Variants in SRGAP3 observed in about 807,000 individuals in gnomAD.
The protein encoded by SRGAP3 is SLIT-ROBO Rho GTPase activating protein 3, also known as SLIT-ROBO Rho GTPase-activating protein 3.
A neutral mutation model predicts 121.1 loss-of-function variants in SRGAP3; 39 were observed. The ratio of observed to expected loss-of-function variants is 0.32; its 90% CI spans 0.25 to 0.42. SRGAP3 has a LOEUF of 0.42. Ranked by LOEUF, SRGAP3 falls within the 10% of genes least tolerant of loss-of-function variation. The pLI, the probability that SRGAP3 is intolerant of heterozygous loss-of-function variation, is 1.00. For synonymous variants in SRGAP3, 601 were observed against 570.0 expected, an observed-to-expected ratio of 1.05 and a Z score of -0.77; for missense variants, 1,213 against 1,470.6, an observed-to-expected ratio of 0.82 and a Z score of 2.86.
At chr3:9,163,822 C>G (rs1950685504) in intron 1 of SRGAP3, among the ~76,000 whole-genome samples, 1 of 152,002 alleles carries the variant, frequency 6.6e-6, no homozygotes. Context: ...AGTGGAAACC[C>G]TTGTCATTGT....
chr3:9,043,063 TCCC>T (rs1194533920), intron 10 of SRGAP3, among the ~76,000 whole-genome samples: 13 of 151,988 alleles, frequency 8.6e-5, no homozygotes, highest in Middle Eastern at 6.8e-3. Flanking sequence ...CTAAAGCAGG[TCCC>T]CCCCATCTCT....
At chr3:9,230,221 A>T (rs1268018876) in intron 1 of SRGAP3, among the ~76,000 whole-genome samples, 1 of 152,242 alleles carries the variant, frequency 6.6e-6, no homozygotes, top group Non-Finnish European at 1.5e-5. Context: ...ATTATTACAG[A>T]TGATGACAGT....
intron 3 of SRGAP3, among the ~76,000 whole-genome samples, chr3:9,302,102 G>A (rs941899077): frequency 2.0e-5 from 3 of 152,242 alleles, no homozygotes; most frequent in East Asian, 3.9e-4. Flanking sequence ...TACGTTCACC[G>A]AGTCCCCACG....
At chr3:9,345,785 C>CAAAAAAAAAAA (rs34225108) in intron 1 of SRGAP3, among the ~76,000 whole-genome samples, 10 of 65,226 alleles carry the variant, frequency 1.5e-4, no homozygotes, top group African/African-American at 3.0e-4. Context: ...GACTCCAACT[C>CAAAAAAAAAAA]AAAAAAAAAA....
At chr3:9,220,670 C>G (rs1952783768) in intron 1 of SRGAP3, among the ~76,000 whole-genome samples, 1 of 152,168 alleles carries the variant, frequency 6.6e-6, no homozygotes, top group Non-Finnish European at 1.5e-5. Context: ...GTCTTTGTCC[C>G]CAAATCTCAG....
At chr3:9,186,883 A>T (rs1437578646) in intron 1 of SRGAP3, among the ~76,000 whole-genome samples, 1 of 152,202 alleles carries the variant, frequency 6.6e-6, no homozygotes, top group Admixed American at 6.5e-5. Context: ...AAGCAAGGTT[A>T]ATTAGCCCTT....
chr3:9,177,578 T>C (rs541415036), intron 1 of SRGAP3, among the ~76,000 whole-genome samples: 3 of 152,016 alleles, frequency 2.0e-5, no homozygotes, highest in African/African-American at 4.8e-5. Context: ...ATGATCTTAA[T>C]ACAGTTGAGA....
intron 4 of SRGAP3, among the ~76,000 whole-genome samples, chr3:9,079,747 C>G (rs1947151663): frequency 6.6e-6 from 1 of 152,216 alleles, no homozygotes; most frequent in African/African-American, 2.4e-5. Flanking sequence ...TTTGTGCCCT[C>G]TGTTCTTGCA....
chr3:9,288,126 CTTTG>C (rs1448079881), intron 3 of SRGAP3, among the ~76,000 whole-genome samples: 2 of 111,836 alleles, frequency 1.8e-5, no homozygotes, highest in Non-Finnish European at 4.0e-5. Flanking sequence ...TTCATTCTAT[CTTTG>C]TTTTTTTTTT....
At position 9,218,307 on chromosome 3, in the gene SRGAP3, T is replaced by C. The variant is rs928076551; in HGVS notation, c.67+30578A>G. 2 of 152,196 alleles carry C rather than the reference T, an allele frequency of 1.3e-5. No homozygotes were observed. Among genetic ancestry groups the C allele is most frequent in the African/African-American group, 4.8e-5 (2 of 41,444 alleles). 9.4% of individuals were successfully genotyped at this position (152,196 alleles called of 1,614,324 possible). A position where few individuals can be genotyped will look rare whatever the true frequency, so the allele number is the denominator to read the frequency against. On this transcript the variant is annotated intron_variant, in intron 1 of 21. Coordinates refer to ENST00000383836, the MANE Select transcript of SRGAP3 (RefSeq NM_014850.4). The surrounding 1 kb of genome is among the most constrained non-coding windows in gnomAD (Gnocchi z 5.3). ...TGGCAGCCAGATGGCTTTTTAAATG[T>C]TGATAAGCTGAAGTGTGGCCAGAAA...
intron 10 of SRGAP3, among the ~76,000 whole-genome samples, chr3:9,039,702 A>G (rs917891285): frequency 6.6e-6 from 1 of 152,186 alleles, no homozygotes; most frequent in African/African-American, 2.4e-5. Flanking sequence ...AGATTTGCGT[A>G]GTCGAGACAT....
At position 9,248,977 on chromosome 3, in the gene SRGAP3, C is replaced by T. The variant is rs1352996064; in HGVS notation, c.-26G>A. 8 of 1,610,368 alleles carry T rather than the reference C, an allele frequency of 5.0e-6. No homozygotes were observed. In the African/African-American group the frequency reaches 1.1e-4, roughly 22 times the overall value. On this transcript the variant is annotated 5_prime_UTR_variant, in exon 1 of 22. Transcript: ENST00000383836. ...CTTCTGACGTGGCCAAAGGAACTGA[C>T]AGGCTGTTTGATTTATTTCTCCTTT...
chr3:9,117,176 T>C (rs1404302499), intron 2 of SRGAP3, among the ~76,000 whole-genome samples: 1 of 152,230 alleles, frequency 6.6e-6, no homozygotes, highest in Non-Finnish European at 1.5e-5. Flanking sequence ...GCTTTCTCCA[T>C]CTCCATCTCA....
chr3:9,286,042 A>T lies in SRGAP3; in HGVS notation n.442+39968T>A, dbSNP rs1954761242. The stretch of plus-strand genomic sequence containing the variant: ...TGAGTAGACTGCCTGAGCCTGGGAG[A>T]TCATGGCTGCAGTGAGCTGTGATCA... On this transcript the variant is annotated intron_variant and non_coding_transcript_variant, in intron 3 of 3. Transcript: ENST00000490889. Among the ~76,000 whole-genome samples, 3 of 151,428 alleles carry T rather than the reference A, an allele frequency of 2.0e-5. No homozygotes were observed. The South Asian group carries it at 6.3e-4, about 32-fold the overall frequency.
chr3:9,233,402 G>C (rs1953292931), intron 1 of SRGAP3, among the ~76,000 whole-genome samples: 1 of 152,294 alleles, frequency 6.6e-6, no homozygotes, highest in Non-Finnish European at 1.5e-5. Flanking sequence ...AAGAGAAGGT[G>C]GGTTTCAATC....
At chr3:9,081,987 T>C (rs1223933066) in intron 3 of SRGAP3, among the ~76,000 whole-genome samples, 1 of 152,234 alleles carries the variant, frequency 6.6e-6, no homozygotes, top group Non-Finnish European at 1.5e-5. Context: ...TGATATGGTT[T>C]GAACCTCTGT....
chr3:9,222,608 T>A (rs1405950566), intron 1 of SRGAP3, among the ~76,000 whole-genome samples: 1 of 152,254 alleles, frequency 6.6e-6, no homozygotes, highest in African/African-American at 2.4e-5. Context: ...TCAATTCAAA[T>A]TGCACTTTGA....
chr3:9,006,486 A>G (rs1943087929), intron 18 of SRGAP3, among the ~76,000 whole-genome samples: 1 of 148,834 alleles, frequency 6.7e-6, no homozygotes, highest in South Asian at 2.1e-4. Flanking sequence ...TCATTTTAAT[A>G]CCATCAAAAA....
At chr3:9,222,527 AG>A (rs1461449811) in intron 1 of SRGAP3, among the ~76,000 whole-genome samples, 1 of 152,246 alleles carries the variant, frequency 6.6e-6, no homozygotes, top group Non-Finnish European at 1.5e-5. Flanking sequence ...GATTAAAGCA[AG>A]GGAACATGTT....
Sources: allele counts gnomAD v4.1 joint callset (sites outside exome capture counted in the v4.1 genomes callset), GRCh38; gene constraint gnomAD v4.1.1; non-coding constraint Gnocchi (gnomAD v3.1); transcripts MANE v1.5; gene names NCBI Gene and HGNC (gene_info 2026-07-23, HGNC 2026-07-21).